Variants in MFHAS1 observed in about 807,000 individuals in gnomAD.
MFHAS1 encodes the protein multifunctional ROCO family signaling regulator 1, also known as malignant fibrous histiocytoma-amplified sequence 1.
MFHAS1 carries 50 observed loss-of-function variants against 70.4 expected under a neutral mutation model. The ratio of observed to expected loss-of-function variants is 0.71; its 90% CI spans 0.57 to 0.90. The LOEUF (loss-of-function observed/expected upper bound fraction) is 0.90, where lower values mean the gene tolerates loss of function less well. Among genes scored for constraint, MFHAS1 ranks in the 40% least tolerant of loss-of-function variants. MFHAS1 has a pLI of 0.00. For synonymous variants in MFHAS1, 952 were observed against 620.0 expected, an observed-to-expected ratio of 1.54 and a Z score of -7.96; for missense variants, 1,795 against 1,347.6, an observed-to-expected ratio of 1.33 and a Z score of -5.20.
At chr8:8,824,405 C>G (rs974586273) in intron 1 of MFHAS1, among the ~76,000 whole-genome samples, 5 of 152,092 alleles carry the variant, frequency 3.3e-5, no homozygotes, top group African/African-American at 1.2e-4. Context: ...CAGAAAAGAT[C>G]CAGTCTCCCT....
chr8:8,814,132 T>C (rs931666517), intron 1 of MFHAS1, among the ~76,000 whole-genome samples: 1 of 152,090 alleles, frequency 6.6e-6, no homozygotes, highest in African/African-American at 2.4e-5. Context: ...GAGACAGGGT[T>C]TCGCCATGTT....
At chr8:8,865,975 C>T (rs969506417) in intron 1 of MFHAS1, among the ~76,000 whole-genome samples, 2 of 152,194 alleles carry the variant, frequency 1.3e-5, no homozygotes, top group Non-Finnish European at 2.9e-5. Context: ...GACAGTGCAG[C>T]CACGGAAAAA....
intron 1 of MFHAS1, among the ~76,000 whole-genome samples, chr8:8,878,459 C>T (rs552909573): frequency 3.9e-5 from 6 of 152,098 alleles, no homozygotes; most frequent in African/African-American, 7.2e-5. Context: ...CATGAGAAAA[C>T]GTCAACATTG....
At chr8:8,876,035 T>C (rs1809276949) in intron 1 of MFHAS1, among the ~76,000 whole-genome samples, 1 of 152,246 alleles carries the variant, frequency 6.6e-6, no homozygotes, top group African/African-American at 2.4e-5. Context: ...TTTAGACTCT[T>C]GTACCTTCTG....
chr8:8,841,196 C>A (rs916903592), intron 1 of MFHAS1, among the ~76,000 whole-genome samples: 2 of 152,104 alleles, frequency 1.3e-5, no homozygotes, highest in African/African-American at 4.8e-5. Flanking sequence ...CTTTTTGGGT[C>A]GGGCGTGGTG....
At chr8:8,830,313 A>G (rs567314275) in intron 1 of MFHAS1, among the ~76,000 whole-genome samples, 8 of 152,334 alleles carry the variant, frequency 5.3e-5, no homozygotes, top group Non-Finnish European at 1.0e-4. Flanking sequence ...TTCCTGAAGC[A>G]TTTTAACTAA....
chr8:8,862,922 G>A (rs139970074), intron 1 of MFHAS1, among the ~76,000 whole-genome samples: 154 of 152,298 alleles, frequency 1.0e-3, no homozygotes, highest in African/African-American at 2.8e-3. Flanking sequence ...ATCTTTGCCC[G>A]TCTGAAGGTC....
chr8:8,852,246 G>T (rs1964719), intron 1 of MFHAS1, among the ~76,000 whole-genome samples: 228 of 152,086 alleles, frequency 1.5e-3, no homozygotes, highest in Non-Finnish European at 1.0e-3. Context: ...AGCCGAGGCG[G>T]GCAGATCACT....
intron 1 of MFHAS1, among the ~76,000 whole-genome samples, chr8:8,875,132 C>G (rs937921332): frequency 1.3e-5 from 2 of 152,192 alleles, no homozygotes; most frequent in African/African-American, 4.8e-5. Flanking sequence ...ATCTGACGTG[C>G]CCATCCTCAT....
At chr8:8,833,647 A>G (rs1807491930) in intron 1 of MFHAS1, among the ~76,000 whole-genome samples, 1 of 152,022 alleles carries the variant, frequency 6.6e-6, no homozygotes, top group Non-Finnish European at 1.5e-5. Flanking sequence ...AATAAATTAA[A>G]TCAACAAATA....
At chr8:8,858,192 G>A (rs533348463) in intron 1 of MFHAS1, among the ~76,000 whole-genome samples, 2 of 152,294 alleles carry the variant, frequency 1.3e-5, no homozygotes, top group Admixed American at 1.3e-4. Context: ...GCAAGGGAAG[G>A]AAGGAAATTG....
chr8:8,861,372 T>G (rs531517189), intron 1 of MFHAS1, among the ~76,000 whole-genome samples: 1 of 152,204 alleles, frequency 6.6e-6, no homozygotes, highest in African/African-American at 2.4e-5. Context: ...CAATTTCATG[T>G]GGTTCAGTCT....
Position 8,790,381 on chromosome 8 carries a change from A to T in MFHAS1, c.3126-4326T>A, listed in dbSNP as rs765347321. ...TGGGTACAGTAAAAATGATGGCATA[A>T]GGAAAAGAAGCACTATCTTTTCCAC... is the stretch of plus-strand genomic sequence containing the variant. On this transcript the variant is annotated intron_variant, in intron 2 of 2. Transcript: ENST00000276282. The T allele has an allele frequency of 6.2e-4, 612 of 985,080 alleles. 1 individual carries two copies. The highest frequency in any genetic ancestry group is 6.6e-4 in the South Asian group (14 of 21,284). The allele number at this position is 985,080 out of a possible 1,614,324, so 61.0% of individuals were successfully genotyped here.
chr8:8,822,786 G>A (rs551156918), intron 1 of MFHAS1, among the ~76,000 whole-genome samples: 111 of 148,084 alleles, frequency 7.5e-4, no homozygotes, highest in African/African-American at 2.7e-3. Context: ...AGGGAACCAA[G>A]CCAGGGGGAT....
chr8:8,855,584 G>A (rs766718363), intron 1 of MFHAS1, among the ~76,000 whole-genome samples: 11 of 152,170 alleles, frequency 7.2e-5, no homozygotes, highest in Non-Finnish European at 1.3e-4. Context: ...AGCCAGGCAC[G>A]GTGGCTCACA....
At chr8:8,834,295 A>T (rs1292610256) in intron 1 of MFHAS1, among the ~76,000 whole-genome samples, 11 of 152,206 alleles carry the variant, frequency 7.2e-5, no homozygotes, top group African/African-American at 2.7e-4. Flanking sequence ...TCAATTTTTT[A>T]AAATAAATTT....
chr8:8,794,389 G>A lies in MFHAS1; in HGVS notation c.3125+2976C>T, dbSNP rs187447233. 4.5e-3 allele frequency among the ~76,000 whole-genome samples: 692 copies of A among 152,154 alleles called. 4 individuals carry two copies. The highest frequency in any genetic ancestry group is 0.024 in the Middle Eastern group (7 of 294). On this transcript the variant is annotated intron_variant, in intron 2 of 2. Transcript: ENST00000276282. Reference sequence around the variant, plus strand: ...CCTAACCGATCCCCCCAAATCTCCCGCTTCCAATCCACTGTCAACCACCCA... The same window carrying A: ...CCTAACCGATCCCCCCAAATCTCCCACTTCCAATCCACTGTCAACCACCCA...
At chr8:8,862,262 T>C (rs1808695229) in intron 1 of MFHAS1, among the ~76,000 whole-genome samples, 1 of 152,198 alleles carries the variant, frequency 6.6e-6, no homozygotes, top group Admixed American at 6.5e-5. Flanking sequence ...TGGTTTAATT[T>C]ACATTTCTCT....
chr8:8,785,706 C>T lies in MFHAS1; in HGVS notation c.*316G>A, dbSNP rs1477459238. On this transcript the variant is annotated 3_prime_UTR_variant, in exon 3 of 3. Coordinates refer to ENST00000276282, the MANE Select transcript of MFHAS1 (RefSeq NM_004225.3). Reference sequence around the variant, plus strand: ...ACTGTAACTATGGCTTATATGTGCACGGAAAACAAAATCCCTGAGAAGCCA... The same window carrying T: ...ACTGTAACTATGGCTTATATGTGCATGGAAAACAAAATCCCTGAGAAGCCA... 1.4e-5 allele frequency: 5 copies of T among 347,392 alleles called. No individual in the cohort carries two copies. Among genetic ancestry groups the T allele is most frequent in the Non-Finnish European group, 2.1e-5 (4 of 187,754 alleles). 21.5% of individuals were successfully genotyped at this position (347,392 alleles called of 1,614,324 possible).
Sources: allele counts gnomAD v4.1 joint callset (sites outside exome capture counted in the v4.1 genomes callset), GRCh38; gene constraint gnomAD v4.1.1; transcripts MANE v1.5; gene names NCBI Gene and HGNC (gene_info 2026-07-23, HGNC 2026-07-21).